The following GRID2 variants were observed in gnomAD, a reference collection of about 807,000 sequenced individuals.
The protein encoded by GRID2 is glutamate ionotropic receptor delta type subunit 2.
GRID2 carries 33 observed loss-of-function variants against 114.8 expected under a neutral mutation model. That is an observed-to-expected ratio of 0.29 (90% CI 0.22 to 0.38). The LOEUF (loss-of-function observed/expected upper bound fraction) is 0.38. Among genes scored for constraint, GRID2 ranks in the 10% least tolerant of loss-of-function variants. The probability of loss-of-function intolerance (pLI) is 1.00; values close to 1 mark genes in which losing one functional copy is unlikely to be tolerated. For synonymous variants in GRID2, 505 were observed against 449.9 expected (o/e 1.12, Z -1.55); for missense variants, 1,184 against 1,257.7 (o/e 0.94, Z 0.89).
chr4:93,804,247 T>G (rs1028373638), intron 1 of GRID2, among the ~76,000 whole-genome samples: 1 of 152,202 alleles, frequency 6.6e-6, no homozygotes, highest in Admixed American at 6.5e-5. Context: ...AGAACTCTAA[T>G]AGTAGTCATG....
chr4:93,545,129 G>A (rs1053101282), intron 13 of GRID2, among the ~76,000 whole-genome samples: 1 of 152,112 alleles, frequency 6.6e-6, no homozygotes, highest in Non-Finnish European at 1.5e-5. Flanking sequence ...TGATACAGTG[G>A]TGAATAAGAC....
chr4:93,433,260 A>C (rs10029321), intron 10 of GRID2, among the ~76,000 whole-genome samples: 105,137 of 152,100 alleles, frequency 0.69, 36,858 homozygotes, highest in African/African-American at 0.81. Flanking sequence ...ATTCTGAAAT[A>C]TATTAGGAGG....
intron 13 of GRID2, among the ~76,000 whole-genome samples, chr4:93,559,075 G>C (rs1287826555): frequency 6.6e-6 from 1 of 152,036 alleles, no homozygotes; most frequent in Non-Finnish European, 1.5e-5. Flanking sequence ...AGGTATTGAT[G>C]GAATGCATCT....
intron 2 of GRID2, among the ~76,000 whole-genome samples, chr4:92,796,746 TA>T (rs1739896714): frequency 6.6e-6 from 1 of 151,894 alleles, no homozygotes; most frequent in African/African-American, 2.4e-5. Flanking sequence ...TATCATTCTG[TA>T]CATCAAACCT....
At chr4:92,367,365 A>G (rs1195695018) in intron 1 of GRID2, among the ~76,000 whole-genome samples, 1 of 152,102 alleles carries the variant, frequency 6.6e-6, no homozygotes, top group East Asian at 1.9e-4. Flanking sequence ...AGGAAAAATC[A>G]ATGGATGGAT....
At chr4:92,886,215 T>C (rs1746358944) in intron 2 of GRID2, among the ~76,000 whole-genome samples, 1 of 152,128 alleles carries the variant, frequency 6.6e-6, no homozygotes, top group South Asian at 2.1e-4. Context: ...TATTAGTCAA[T>C]TTTGCCATCT....
chr4:93,073,352 A>C (rs1398033396), intron 2 of GRID2, among the ~76,000 whole-genome samples: 1 of 152,214 alleles, frequency 6.6e-6, no homozygotes, highest in Non-Finnish European at 1.5e-5. Context: ...ATAGTACAGT[A>C]CTGTAAATGC....
At chr4:93,533,782 T>C (rs533565336) in intron 13 of GRID2, among the ~76,000 whole-genome samples, 3 of 152,048 alleles carry the variant, frequency 2.0e-5, no homozygotes, top group Non-Finnish European at 4.4e-5. Context: ...TCCTGGATTA[T>C]TGCAATAGCT....
intron 14 of GRID2, among the ~76,000 whole-genome samples, chr4:93,761,937 A>T (rs973912489): frequency 6.6e-6 from 1 of 152,192 alleles, no homozygotes; most frequent in Non-Finnish European, 1.5e-5. Flanking sequence ...AGATATGCCA[A>T]TCAAAGTGCC....
intron 1 of GRID2, among the ~76,000 whole-genome samples, chr4:92,490,578 A>G (rs1424595862): frequency 6.6e-6 from 1 of 152,172 alleles, no homozygotes; most frequent in African/African-American, 2.4e-5. Context: ...CACCTCCATT[A>G]GACACTATAA....
chr4:93,051,844 T>C (rs1488795211), intron 2 of GRID2, among the ~76,000 whole-genome samples: 1 of 151,906 alleles, frequency 6.6e-6, no homozygotes. Flanking sequence ...TTTCTTTGCC[T>C]TTTTTTCCCG....
intron 8 of GRID2, among the ~76,000 whole-genome samples, chr4:93,367,288 G>C (rs905664353): frequency 1.4e-5 from 2 of 147,632 alleles, no homozygotes; most frequent in Non-Finnish European, 3.0e-5. Flanking sequence ...TTAAGTCTCA[G>C]ACTGGTCACT....
intron 2 of GRID2, among the ~76,000 whole-genome samples, chr4:92,655,433 G>T (rs1176901285): frequency 6.6e-6 from 1 of 151,724 alleles, no homozygotes; most frequent in Non-Finnish European, 1.5e-5. Context: ...TAACTTTTGT[G>T]TTTTGACAAG....
At chr4:93,482,725 A>G (rs72668776) in intron 11 of GRID2, among the ~76,000 whole-genome samples, 1 of 151,970 alleles carries the variant, frequency 6.6e-6, no homozygotes, top group Non-Finnish European at 1.5e-5. Context: ...AATAAATTCT[A>G]AAAGGTAATT....
At chr4:92,982,229 G>C (rs1236248326) in intron 2 of GRID2, among the ~76,000 whole-genome samples, 1 of 152,018 alleles carries the variant, frequency 6.6e-6, no homozygotes, top group East Asian at 1.9e-4. Flanking sequence ...GTCAAATTCA[G>C]AGTTGTCTAC....
chr4:93,729,640 G>T (rs1173126491), intron 14 of GRID2, among the ~76,000 whole-genome samples: 1 of 151,752 alleles, frequency 6.6e-6, no homozygotes, highest in Non-Finnish European at 1.5e-5. Context: ...CCACCTCCTA[G>T]GTTCAAGCGA....
At chr4:92,786,544 A>G (rs2149361718) in intron 2 of GRID2, among the ~76,000 whole-genome samples, 1 of 152,068 alleles carries the variant, frequency 6.6e-6, no homozygotes, top group East Asian at 1.9e-4. Context: ...AAGAAAGAAT[A>G]TTCAATTCAA....
intron 10 of GRID2, among the ~76,000 whole-genome samples, chr4:93,453,995 G>A (rs969327244): frequency 2.0e-5 from 3 of 151,894 alleles, no homozygotes; most frequent in Admixed American, 6.6e-5. Context: ...CAGAAAAGAC[G>A]GGACAAGGGA....
chr4:92,523,199 T>A (rs1351908711), intron 1 of GRID2, among the ~76,000 whole-genome samples: 1 of 151,960 alleles, frequency 6.6e-6, no homozygotes, highest in Non-Finnish European at 1.5e-5. Context: ...AGTAAAATAG[T>A]TTTCTAAATT....
Sources: gnomAD v4.1 joint callset for allele counts (sites outside exome capture counted in the v4.1 genomes callset) on GRCh38, gnomAD v4.1.1 for gene constraint, MANE v1.5 for transcripts, NCBI Gene and HGNC (gene_info 2026-07-23, HGNC 2026-07-21) for gene names.